BCAT1: variants seen among roughly 807,000 people sequenced by gnomAD.
BCAT1 encodes the protein branched-chain-amino-acid aminotransferase, cytosolic.
BCAT1 carries 48 observed loss-of-function variants against 52.4 expected under a neutral mutation model. The ratio of observed to expected loss-of-function variants is 0.92; its 90% CI spans 0.73 to 1.16. The LOEUF (loss-of-function observed/expected upper bound fraction) is 1.16. Ranked by LOEUF, BCAT1 falls within the 50% of genes most tolerant of loss-of-function variation. The pLI is 0.00. For synonymous variants in BCAT1, 167 were observed against 161.3 expected, an observed-to-expected ratio of 1.04 and a Z score of -0.27; for missense variants, 451 against 457.1, an observed-to-expected ratio of 0.99 and a Z score of 0.12.
At chr12:24,861,294 C>T (rs1402940755) in intron 5 of BCAT1, among the ~76,000 whole-genome samples, 1 of 152,128 alleles carries the variant, frequency 6.6e-6, no homozygotes, top group African/African-American at 2.4e-5. Context: ...TGGCTAGCAA[C>T]CCCATATAAG....
In BCAT1 at chr12:24,924,988, T is replaced by C. The variant is rs954676291; in HGVS notation, c.7-23103A>G. On this transcript the variant is annotated intron_variant, in intron 1 of 10. Transcript: ENST00000261192. ...ATGACGGATTCAAAAACAGTTGTTT[T>C]TTGAAACAGTAGTTCTTTCATCTCT... is the stretch of plus-strand genomic sequence containing the variant. 5.3e-5 allele frequency among the ~76,000 whole-genome samples: 8 copies of C among 152,362 alleles called. No individual in the cohort carries two copies. In the East Asian group the frequency reaches 1.5e-3, roughly 29 times the overall value.
chr12:24,937,495 T>G (rs1248352471), intron 1 of BCAT1, among the ~76,000 whole-genome samples: 1 of 149,516 alleles, frequency 6.7e-6, no homozygotes, highest in African/African-American at 2.4e-5. Context: ...TAAAAAATTT[T>G]TTGTTGGTTT....
chr12:24,831,375 A>G (rs11047670), intron 9 of BCAT1, among the ~76,000 whole-genome samples: 29,047 of 152,164 alleles, frequency 0.19, 3,624 homozygotes, highest in East Asian at 0.41. Flanking sequence ...TGGGCCGGGC[A>G]TGGTGACTCA....
intron 6 of BCAT1, among the ~76,000 whole-genome samples, chr12:24,845,809 T>G (rs1030395365): frequency 2.0e-5 from 3 of 152,128 alleles, no homozygotes; most frequent in Admixed American, 2.0e-4. Context: ...GTAATCCCAG[T>G]GACTCAGGAC....
chr12:24,945,536 G>C (rs1052589169), intron 1 of BCAT1: 1 of 152,164 alleles, frequency 6.6e-6, no homozygotes, highest in Non-Finnish European at 1.5e-5. Flanking sequence ...ATCAGCCATA[G>C]TTTCCTCCTG....
At chr12:24,840,651 A>T (rs970550406) in intron 7 of BCAT1, among the ~76,000 whole-genome samples, 3 of 152,234 alleles carry the variant, frequency 2.0e-5, no homozygotes, top group Admixed American at 1.3e-4. Flanking sequence ...TGACTGCAGT[A>T]TAAGACTCAT....
At chr12:24,849,360 G>A (rs1385071758) in intron 6 of BCAT1, among the ~76,000 whole-genome samples, 2 of 152,218 alleles carry the variant, frequency 1.3e-5, no homozygotes, top group Non-Finnish European at 2.9e-5. Flanking sequence ...CCCCAGACAT[G>A]ACTCCCTGGA....
intron 5 of BCAT1, among the ~76,000 whole-genome samples, chr12:24,853,623 A>G (rs2139481621): frequency 1.3e-5 from 2 of 152,342 alleles, no homozygotes; most frequent in Non-Finnish European, 2.9e-5. Flanking sequence ...AAAAAAAGTC[A>G]ATTAACTTGT....
chr12:24,947,932 A>T (rs1943958016), intron 1 of BCAT1, among the ~76,000 whole-genome samples: 1 of 152,246 alleles, frequency 6.6e-6, no homozygotes, highest in Admixed American at 6.5e-5. Flanking sequence ...CCACTCGGTT[A>T]CTGTTTAATT....
chr12:24,907,580 A>G (rs1943245455), intron 1 of BCAT1, among the ~76,000 whole-genome samples: 1 of 152,150 alleles, frequency 6.6e-6, no homozygotes, highest in Admixed American at 6.5e-5. Flanking sequence ...ACTTTGTGAC[A>G]ATACACCCTC....
At chr12:24,834,358 C>T in intron 8 of BCAT1, 1 of 985,010 alleles carries the variant, frequency 1.0e-6, no homozygotes, top group Non-Finnish European at 1.2e-6. Context: ...TCATTGACTT[C>T]TGCCAAAGTG....
At position 24,890,200 on chromosome 12, in the gene BCAT1, G is replaced by C. The variant is rs544044456; in HGVS notation, c.279+4075C>G. 2.0e-5 allele frequency among the ~76,000 whole-genome samples: 3 copies of C among 152,310 alleles called. No individual in the cohort carries two copies. The East Asian group carries it at 5.8e-4, about 29-fold the overall frequency. ...ATGCCTCTCAGTCAGACATTCCAGA[G>C]GACAGGACTTGTGACTTGTGTCTGG... On this transcript the variant is annotated intron_variant, in intron 3 of 10. Coordinates refer to ENST00000261192, the MANE Select transcript of BCAT1 (RefSeq NM_005504.7).
Position 24,878,559 on chromosome 12 carries a change from A to T in BCAT1, c.481T>A (p.Tyr161Asn). ...GTTCCAATGAATGTAGGACGAATAT[A>T]CAGACTAGCAGATGTTGAATATGGG... ...WVPYSTSASL[Y>N]IRPTFIGTEP... Residue 161 changes from tyrosine to asparagine, a missense_variant, in exon 5 of 11, where the codon TAT becomes AAT. Tyr to Asn is a moderately radical substitution (Grantham distance 143). Coordinates refer to ENST00000261192, the MANE Select transcript of BCAT1 (RefSeq NM_005504.7). 1.9e-6 allele frequency: 3 copies of T among 1,612,312 alleles called. No individual in the cohort carries two copies. Among genetic ancestry groups the T allele is most frequent in the Non-Finnish European group, 2.5e-6 (3 of 1,178,930 alleles).
chr12:24,937,945 G>A (rs1943789365), intron 1 of BCAT1, among the ~76,000 whole-genome samples: 1 of 152,202 alleles, frequency 6.6e-6, no homozygotes, highest in Admixed American at 6.5e-5. Context: ...GGCCATAGGG[G>A]TAGCTGGCAT....
chr12:24,948,868 C>T, intron 1 of BCAT1, 59 bp downstream of exon 1: 1 of 1,560,026 alleles, frequency 6.4e-7, no homozygotes, highest in Non-Finnish European at 8.7e-7. Flanking sequence ...TTGGAGAAAT[C>T]GCCGGTTCGA....
intron 1 of BCAT1, among the ~76,000 whole-genome samples, chr12:24,916,455 A>C (rs1276351859): frequency 6.6e-6 from 1 of 152,246 alleles, no homozygotes; most frequent in Non-Finnish European, 1.5e-5. Flanking sequence ...CATTCCAGTC[A>C]AAGCCTTGGT....
At position 24,817,896 on chromosome 12, in the gene BCAT1, C is replaced by G. The variant is rs192111320; in HGVS notation, c.*112G>C. 7.0e-4 allele frequency: 787 copies of G among 1,117,534 alleles called. No homozygotes were observed. Among genetic ancestry groups the G allele is most frequent in the Non-Finnish European group, 4.9e-4 (367 of 750,036 alleles). The allele number at this position is 1,117,534 out of a possible 1,614,324, so 69.2% of individuals were successfully genotyped here. A position where few individuals can be genotyped will look rare whatever the true frequency, so the allele number is the denominator to read the frequency against. On this transcript the variant is annotated 3_prime_UTR_variant, in exon 11 of 11. Transcript: ENST00000261192. Reference sequence around the variant, plus strand: ...TCTTGTAACACATTGATACTACAAACTACATTATGCACAGGTAGCCAAAGA... The same window carrying G: ...TCTTGTAACACATTGATACTACAAAGTACATTATGCACAGGTAGCCAAAGA...
chr12:24,819,125 GCT>G (rs151084163), intron 10 of BCAT1, among the ~76,000 whole-genome samples: 18,172 of 151,940 alleles, frequency 0.12, 1,232 homozygotes, highest in Non-Finnish European at 0.14. Flanking sequence ...CCCTAACCAA[GCT>G]CTCTCTCACA....
At chr12:24,933,109 CTTTTTTTTTTTTTTT>C (rs57512325) in intron 1 of BCAT1, among the ~76,000 whole-genome samples, 3 of 68,578 alleles carry the variant, frequency 4.4e-5, no homozygotes, top group East Asian at 1.0e-3. Context: ...CACGCCTGGC[CTTTTTTTTTTTTTTT>C]TTTTTTTTTT....
Sources: gnomAD v4.1 joint callset for allele counts (sites outside exome capture counted in the v4.1 genomes callset) on GRCh38, gnomAD v4.1.1 for gene constraint, MANE v1.5 for transcripts, NCBI Gene and HGNC (gene_info 2026-07-23, HGNC 2026-07-21) for gene names.